The following MAK variants were observed in gnomAD, a reference collection of about 807,000 sequenced individuals.
MAK encodes the protein serine/threonine-protein kinase MAK.
A neutral mutation model predicts 82.6 loss-of-function variants in MAK; 65 were observed. The ratio of observed to expected loss-of-function variants is 0.79; its 90% CI spans 0.64 to 0.97. The LOEUF is 0.97. MAK is among the 50% of genes least tolerant of loss of function. The pLI, the probability that MAK is intolerant of heterozygous loss-of-function variation, is 0.00. For missense variants in MAK, 703 were observed against 780.2 expected, an observed-to-expected ratio of 0.90 and a Z score of 1.18; for synonymous variants, 250 against 274.2, an observed-to-expected ratio of 0.91 and a Z score of 0.87.
intron 11 of MAK, among the ~76,000 whole-genome samples, chr6:10,777,408 CAAA>C (rs57082378): frequency 5.1e-5 from 7 of 137,798 alleles, no homozygotes; most frequent in Admixed American, 7.3e-5. Flanking sequence ...AAGACTGTCA[CAAA>C]AAAAAAAAAA....
In MAK at chr6:10,764,330, A is replaced by G. The variant is rs997829685; in HGVS notation, c.*122T>C. The G allele has an allele frequency of 4.7e-6, 5 of 1,074,982 alleles. No homozygotes were observed. Among genetic ancestry groups the G allele is most frequent in the Admixed American group, 4.9e-5 (2 of 41,134 alleles). The allele number at this position is 1,074,982 out of a possible 1,614,324, so 66.6% of individuals were successfully genotyped here. A position where few individuals can be genotyped will look rare whatever the true frequency, so the allele number is the denominator to read the frequency against. ...GGGGATGATTTTTGCCCTTCCAAGTACCCACTTTTGCATATTTCTTCCAGA... is the reference window on the plus strand; with the variant it reads ...GGGGATGATTTTTGCCCTTCCAAGTGCCCACTTTTGCATATTTCTTCCAGA... On this transcript the variant is annotated 3_prime_UTR_variant, in exon 15 of 15. Coordinates refer to ENST00000354489, the MANE Select transcript of MAK (RefSeq NM_001242957.3).
intron 8 of MAK, among the ~76,000 whole-genome samples, chr6:10,799,814 G>T (rs745435891): frequency 6.6e-6 from 1 of 152,100 alleles, no homozygotes; most frequent in Non-Finnish European, 1.5e-5. Flanking sequence ...TAGGGAGGCC[G>T]AGGTGGGTGG....
chr6:10,813,057 G>A lies in MAK; in HGVS notation c.358+587C>T, dbSNP rs1225461420. Among the ~76,000 whole-genome samples the A allele has an allele frequency of 4.4e-5, 5 of 113,756 alleles. No homozygotes were observed. In the East Asian group the frequency reaches 1.1e-3, roughly 24 times the overall value. The allele number at this position is 113,756 out of a possible 152,430, so 74.6% of individuals were successfully genotyped here. On this transcript the variant is annotated intron_variant, in intron 5 of 14. Transcript: ENST00000354489. ...GTGCTGGGATTACAGGTGTGAGTCC[G>A]GCCTGGTATGTATGTATGTTATGTA...
At chr6:10,765,440 ATTTTTTTTT>A (rs200536068) in intron 14 of MAK, among the ~76,000 whole-genome samples, 10 of 130,646 alleles carry the variant, frequency 7.7e-5, no homozygotes, top group African/African-American at 2.3e-4. Context: ...TAGAATGAAG[ATTTTTTTTT>A]TTTTTTTTTT....
At chr6:10,772,936 C>T (rs1773148159) in intron 13 of MAK, 98 bp downstream of exon 13, 2 of 773,458 alleles carry the variant, frequency 2.6e-6, no homozygotes, top group South Asian at 3.1e-5. Context: ...AGCGGATCAT[C>T]TCGGCCTTTT....
intron 4 of MAK, 123 bp downstream of exon 4, chr6:10,817,727 A>G: frequency 1.3e-6 from 1 of 758,832 alleles, no homozygotes. Flanking sequence ...AAGGTAACAG[A>G]ACTGGTTAAT....
chr6:10,783,897 T>G (rs562211020), intron 11 of MAK, among the ~76,000 whole-genome samples: 2 of 152,202 alleles, frequency 1.3e-5, no homozygotes, highest in East Asian at 1.9e-4. Context: ...CTCGCACCTG[T>G]AGTCCCAGCT....
chr6:10,782,664 C>CACCTCCTGA (rs1774105239), intron 11 of MAK, among the ~76,000 whole-genome samples: 1 of 151,176 alleles, frequency 6.6e-6, no homozygotes, highest in Non-Finnish European at 1.5e-5. Context: ...CTGCAACCTC[C>CACCTCCTGA]ACCTCCTGGG....
At chr6:10,783,038 C>A (rs1284007480) in intron 11 of MAK, among the ~76,000 whole-genome samples, 1 of 152,156 alleles carries the variant, frequency 6.6e-6, no homozygotes, top group African/African-American at 2.4e-5. Flanking sequence ...GAGACTGTGT[C>A]TTGCTTCAGG....
At chr6:10,799,739 T>C (rs1019486410) in intron 8 of MAK, among the ~76,000 whole-genome samples, 1 of 152,210 alleles carries the variant, frequency 6.6e-6, no homozygotes, top group African/African-American at 2.4e-5. Flanking sequence ...AACAGCAGCC[T>C]GGCCAACATG....
At position 10,803,692 on chromosome 6, in the gene MAK, A is replaced by G. The variant is rs372281772; in HGVS notation, c.663+28T>C. ...AGCAAGATAGAAATAATCAAAAGTT[A>G]TAGCAACTTAGGGACAAGAGTACTT... On this transcript the variant is annotated intron_variant, in intron 7 of 14. Coordinates refer to ENST00000354489, the MANE Select transcript of MAK (RefSeq NM_001242957.3). The G allele has an allele frequency of 5.0e-6, 8 of 1,593,516 alleles. No homozygotes were observed. In the Admixed American group the frequency reaches 6.7e-5, roughly 13 times the overall value.
At chr6:10,808,258 G>C (rs1581725576) in intron 6 of MAK, among the ~76,000 whole-genome samples, 1 of 152,088 alleles carries the variant, frequency 6.6e-6, no homozygotes, top group Admixed American at 6.6e-5. Context: ...TTGGGCTCTT[G>C]ATCTCAACAT....
chr6:10,821,366 C>A (rs1326439418), intron 2 of MAK, among the ~76,000 whole-genome samples: 1 of 152,172 alleles, frequency 6.6e-6, no homozygotes. Flanking sequence ...ACCTCTGTCT[C>A]CCAGGTTCAA....
intron 9 of MAK, among the ~76,000 whole-genome samples, chr6:10,794,684 A>G (rs1201202129): frequency 1.3e-5 from 2 of 152,192 alleles, no homozygotes; most frequent in African/African-American, 4.8e-5. Context: ...GTTTTATACT[A>G]TGCCTGACAC....
At chr6:10,797,805 C>T in intron 8 of MAK, 1 of 1,272,268 alleles carries the variant, frequency 7.9e-7, no homozygotes, top group South Asian at 1.3e-5. Flanking sequence ...TTTAAATGGT[C>T]TTCATATTCT....
chr6:10,828,209 A>G (rs1051029380), intron 2 of MAK, among the ~76,000 whole-genome samples: 14 of 152,194 alleles, frequency 9.2e-5, no homozygotes, highest in Admixed American at 2.6e-4. Flanking sequence ...AACATTTGCT[A>G]AAGTATTTAA....
intron 9 of MAK, among the ~76,000 whole-genome samples, chr6:10,792,685 G>A (rs1775185516): frequency 6.6e-6 from 1 of 152,178 alleles, no homozygotes; most frequent in Non-Finnish European, 1.5e-5. Flanking sequence ...AGGGAAGAGA[G>A]CATGGAAAAT....
In MAK at chr6:10,764,174, TATTAA is replaced by T. The variant is rs1460274355; in HGVS notation, c.*273_*277del. ...AAGGGTTCTTATTGGATTTACTATT[TATTAA>T]ATTGTAGATCAAATACTTCATACTT... On this transcript the variant is annotated 3_prime_UTR_variant, in exon 15 of 15. Coordinates refer to ENST00000354489, the MANE Select transcript of MAK (RefSeq NM_001242957.3). 2.2e-5 allele frequency: 8 copies of T among 361,502 alleles called. No individual in the cohort carries two copies. Among genetic ancestry groups the T allele is most frequent in the East Asian group, 5.4e-5 (1 of 18,652 alleles). The allele number at this position is 361,502 out of a possible 1,614,324, so 22.4% of individuals were successfully genotyped here.
At chr6:10,826,804 G>T (rs954193501) in intron 2 of MAK, among the ~76,000 whole-genome samples, 2 of 152,176 alleles carry the variant, frequency 1.3e-5, no homozygotes, top group African/African-American at 4.8e-5. Flanking sequence ...GAAAGCTTTT[G>T]CTTTCCCAAT....
Sources: allele counts gnomAD v4.1 joint callset (sites outside exome capture counted in the v4.1 genomes callset), GRCh38; gene constraint gnomAD v4.1.1; transcripts MANE v1.5; gene names NCBI Gene and HGNC (gene_info 2026-07-23, HGNC 2026-07-21).